The following CDK13 variants were observed in gnomAD, a reference collection of about 807,000 sequenced individuals.
The protein encoded by CDK13 is cyclin-dependent kinase 13.
In CDK13, 40 loss-of-function variants were observed where a neutral mutation model predicts 137.6. The ratio of observed to expected loss-of-function variants is 0.29; its 90% CI spans 0.23 to 0.38. The LOEUF is 0.38. Among genes scored for constraint, CDK13 ranks in the 10% least tolerant of loss-of-function variants. The pLI, the probability that CDK13 is intolerant of heterozygous loss-of-function variation, is 1.00. For synonymous variants in CDK13, 869 were observed against 760.1 expected (o/e 1.14, Z -2.36); for missense variants, 1,704 against 1,951.8 (o/e 0.87, Z 2.39).
intron 9 of CDK13, 149 bp from the exon 10 acceptor site, chr7:40,077,855 CA>C (rs200558568): frequency 1.6e-4 from 75 of 464,842 alleles, no homozygotes; most frequent in South Asian, 2.5e-4. Context: ...GACTCTGTCT[CA>C]AAAAAAAGAA....
chr7:40,057,842 G>A (rs527295762), intron 7 of CDK13, among the ~76,000 whole-genome samples: 1 of 152,190 alleles, frequency 6.6e-6, no homozygotes, highest in South Asian at 2.1e-4. Flanking sequence ...ATTTTTCTTG[G>A]AAGATATCAA....
intron 5 of CDK13, among the ~76,000 whole-genome samples, chr7:40,015,487 C>CT (rs1329527876): frequency 6.6e-6 from 1 of 152,104 alleles, no homozygotes; most frequent in Non-Finnish European, 1.5e-5. Context: ...GTAATAATGA[C>CT]TAACTCACAG....
At chr7:40,088,696 C>A (rs1310068325) in intron 12 of CDK13, among the ~76,000 whole-genome samples, 2 of 152,100 alleles carry the variant, frequency 1.3e-5, no homozygotes, top group Admixed American at 1.3e-4. Flanking sequence ...AAGAAAACAG[C>A]CAAAAATCAT....
At chr7:40,053,770 A>G (rs557020584) in intron 7 of CDK13, among the ~76,000 whole-genome samples, 1 of 149,560 alleles carries the variant, frequency 6.7e-6, no homozygotes, top group South Asian at 2.1e-4. Context: ...TTTTTTTTTT[A>G]AGAAAAAGAA....
chr7:40,023,731 C>T lies in CDK13; in HGVS notation c.2353+21700C>T, dbSNP rs189829452. 7.5e-4 allele frequency among the ~76,000 whole-genome samples: 114 copies of T among 152,050 alleles called. No individual in the cohort carries two copies. In the East Asian group the frequency reaches 0.016, roughly 22 times the overall value. On this transcript the variant is annotated intron_variant, in intron 5 of 13. Transcript: ENST00000181839. Reference sequence around the variant, plus strand: ...AGCCAGGATGGTCTCGTGATCCGCCCGCCTCGGCCTCCCAAAGTGCTGAGA... The same window carrying T: ...AGCCAGGATGGTCTCGTGATCCGCCTGCCTCGGCCTCCCAAAGTGCTGAGA...
chr7:40,003,153 TACACACACACAC>T (rs71560157), intron 5 of CDK13, among the ~76,000 whole-genome samples: 45 of 119,940 alleles, frequency 3.8e-4, no homozygotes, highest in South Asian at 3.0e-3. Flanking sequence ...CTTCCCCAGC[TACACACACACAC>T]ACACACACAC....
chr7:39,965,958 T>C (rs1331795175), intron 1 of CDK13, among the ~76,000 whole-genome samples: 1 of 152,260 alleles, frequency 6.6e-6, no homozygotes, highest in Non-Finnish European at 1.5e-5. Flanking sequence ...CACTCTCTTC[T>C]GGCTTGTAGA....
intron 7 of CDK13, among the ~76,000 whole-genome samples, chr7:40,055,877 C>A (rs750511231): frequency 3.9e-5 from 6 of 152,124 alleles, no homozygotes; most frequent in Admixed American, 3.9e-4. Flanking sequence ...CCACCACGCC[C>A]GGATGGATTT....
At chr7:40,028,695 T>C (rs1239193770) in intron 5 of CDK13, among the ~76,000 whole-genome samples, 1 of 152,200 alleles carries the variant, frequency 6.6e-6, no homozygotes, top group East Asian at 1.9e-4. Context: ...CCAACTTTTA[T>C]TGAATTTTAA....
chr7:39,973,134 C>T (rs188764868), intron 1 of CDK13, among the ~76,000 whole-genome samples: 1 of 152,180 alleles, frequency 6.6e-6, no homozygotes, highest in Non-Finnish European at 1.5e-5. Flanking sequence ...TTGTCCACCC[C>T]CACTACCCCC....
At chr7:39,963,852 G>A (rs1783807359) in intron 1 of CDK13, among the ~76,000 whole-genome samples, 1 of 152,152 alleles carries the variant, frequency 6.6e-6, no homozygotes, top group Non-Finnish European at 1.5e-5. Context: ...TTTGTCAAAG[G>A]CCTTTTCTGC....
At position 39,951,643 on chromosome 7, in the gene CDK13, C is replaced by T. The variant is rs1193661434; in HGVS notation, c.1002C>T (p.Ser334=). Reference sequence around the variant, plus strand: ...CGGTGTCCCACAGGGCCTCTCAGAGCCTGAGGAGCCGCAAGTCCCCCAGCC... The same window carrying T: ...CGGTGTCCCACAGGGCCTCTCAGAGTCTGAGGAGCCGCAAGTCCCCCAGCC... ...DSPVSHRASQ[S]LRSRKSPSPA... The change falls in exon 1 of 14, where the codon AGC becomes AGT. Residue 334 remains serine, a synonymous_variant. Coordinates refer to ENST00000181839, the MANE Select transcript of CDK13 (RefSeq NM_003718.5). The T allele has an allele frequency of 1.4e-6, 2 of 1,476,560 alleles. No homozygotes were observed. The highest frequency in any genetic ancestry group is 1.8e-6 in the Non-Finnish European group (2 of 1,117,864). The allele number at this position is 1,476,560 out of a possible 1,614,324, so 91.5% of individuals were successfully genotyped here. A position where few individuals can be genotyped will look rare whatever the true frequency, so the allele number is the denominator to read the frequency against.
chr7:39,983,039 T>C (rs1402219960), intron 1 of CDK13, among the ~76,000 whole-genome samples: 1 of 152,234 alleles, frequency 6.6e-6, no homozygotes, highest in Non-Finnish European at 1.5e-5. Context: ...CATTTGTCAA[T>C]TTTGGCTTTT....
At chr7:39,990,873 G>A (rs1481294859) in intron 2 of CDK13, among the ~76,000 whole-genome samples, 1 of 152,146 alleles carries the variant, frequency 6.6e-6, no homozygotes, top group Non-Finnish European at 1.5e-5. Context: ...GTATAAATCA[G>A]CACTGCTGGA....
intron 11 of CDK13, 128 bp from the exon 12 acceptor site, chr7:40,087,998 T>C: frequency 1.4e-6 from 1 of 690,732 alleles, no homozygotes; most frequent in Non-Finnish European, 2.4e-6. Flanking sequence ...GGAAGAGTTT[T>C]ACAGAGCCAT....
chr7:40,076,482 T>C (rs1312699513), intron 9 of CDK13, among the ~76,000 whole-genome samples: 1 of 152,020 alleles, frequency 6.6e-6, no homozygotes, highest in South Asian at 2.1e-4. Context: ...GAAATGAGAC[T>C]AGGAAGGCAG....
intron 5 of CDK13, among the ~76,000 whole-genome samples, chr7:40,028,661 C>A (rs185333910): frequency 6.6e-6 from 1 of 152,074 alleles, no homozygotes; most frequent in Non-Finnish European, 1.5e-5. Flanking sequence ...TTTGCTTTGC[C>A]TGTGAGTTTA....
chr7:39,999,515 T>C lies in CDK13; in HGVS notation c.2182+15T>C. 2 of 1,585,714 alleles carry C rather than the reference T, an allele frequency of 1.3e-6. No individual in the cohort carries two copies. Among genetic ancestry groups the C allele is most frequent in the Non-Finnish European group, 1.7e-6 (2 of 1,165,036 alleles). On this transcript the variant is annotated intron_variant, in intron 4 of 13. Transcript: ENST00000181839. The stretch of plus-strand genomic sequence containing the variant: ...TAAAGACACTGGTAAGAATGCCAAG[T>C]TCTGGGGATCTTTGGGCCTACGGAA...
chr7:39,968,071 C>T (rs889303156), intron 1 of CDK13, among the ~76,000 whole-genome samples: 1 of 151,982 alleles, frequency 6.6e-6, no homozygotes, highest in East Asian at 1.9e-4. Flanking sequence ...GGTCCTTTGC[C>T]CGTTTTTGAA....
Sources: allele counts gnomAD v4.1 joint callset (sites outside exome capture counted in the v4.1 genomes callset), GRCh38; gene constraint gnomAD v4.1.1; transcripts MANE v1.5; gene names NCBI Gene and HGNC (gene_info 2026-07-23, HGNC 2026-07-21).